CAMTA1: variants seen among roughly 807,000 people sequenced by gnomAD.
The protein encoded by CAMTA1 is calmodulin binding transcription activator 1.
Under a neutral mutation model 170.9 loss-of-function variants are expected in CAMTA1, and 27 were observed. That is an observed-to-expected ratio of 0.16 (90% CI 0.12 to 0.22). The LOEUF is 0.22. CAMTA1 is among the 10% of genes least tolerant of loss of function. The probability of loss-of-function intolerance (pLI) is 1.00; values close to 1 mark genes in which losing one functional copy is unlikely to be tolerated. For missense variants in CAMTA1, 1,619 were observed against 2,217.2 expected (o/e 0.73, Z 5.42); for synonymous variants, 833 against 891.5 (o/e 0.93, Z 1.17).
At chr1:7,419,529 A>C (rs845256) in intron 5 of CAMTA1, among the ~76,000 whole-genome samples, 139,257 of 152,172 alleles carry the variant, frequency 0.92, 63,794 homozygotes, top group East Asian at 0.99. Flanking sequence ...TCTGCACACA[A>C]TCCCTAGGTG....
chr1:6,988,523 G>T (rs562544518), intron 3 of CAMTA1, among the ~76,000 whole-genome samples: 76 of 152,264 alleles, frequency 5.0e-4, no homozygotes, highest in African/African-American at 1.8e-3. Flanking sequence ...ACAAGTCCCT[G>T]AATGGATTCT....
At chr1:6,951,836 G>T (rs1365170509) in intron 3 of CAMTA1, among the ~76,000 whole-genome samples, 1 of 152,210 alleles carries the variant, frequency 6.6e-6, no homozygotes, top group African/African-American at 2.4e-5. Flanking sequence ...TCATCCTGCG[G>T]GGTTCCAGGG....
intron 6 of CAMTA1, among the ~76,000 whole-genome samples, chr1:7,483,403 G>T (rs76001129): frequency 0.011 from 1,645 of 152,324 alleles, 37 homozygotes; most frequent in African/African-American, 0.038. Flanking sequence ...CAGTCTGGGA[G>T]CCTGGGCCGG....
At chr1:7,279,506 G>T (rs907420445) in intron 5 of CAMTA1, among the ~76,000 whole-genome samples, 1 of 152,154 alleles carries the variant, frequency 6.6e-6, no homozygotes, top group Non-Finnish European at 1.5e-5. Context: ...CATCCTTGCA[G>T]AGCCGCAGCC....
rs182429627 is a variant in CAMTA1, at chr1:7,593,572, C to T, written c.511-46828C>T. 6.2e-3 allele frequency among the ~76,000 whole-genome samples: 934 copies of T among 150,970 alleles called. 6 individuals are homozygous for T. The highest frequency in any genetic ancestry group is 0.014 in the Middle Eastern group (4 of 292). ...TGGCGTGATCTTGGCTCACTACAAC[C>T]TCTGCCTCCAGGGTTCAAGCGATTC... On this transcript the variant is annotated intron_variant, in intron 6 of 22. Transcript: ENST00000303635.
intron 5 of CAMTA1, among the ~76,000 whole-genome samples, chr1:7,389,961 T>A (rs2149122856): frequency 6.6e-6 from 1 of 152,214 alleles, no homozygotes; most frequent in Admixed American, 6.5e-5. Context: ...GCTATTTGTG[T>A]CCCCCGCCTT....
chr1:7,236,457 T>C (rs954872657), intron 4 of CAMTA1, among the ~76,000 whole-genome samples: 2 of 152,144 alleles, frequency 1.3e-5, no homozygotes, highest in Non-Finnish European at 2.9e-5. Context: ...TGAGTTGTTG[T>C]GACTGTAGAA....
chr1:6,987,537 G>A lies in CAMTA1; in HGVS notation c.235-103767G>A, dbSNP rs142590256. Among the ~76,000 whole-genome samples the A allele has an allele frequency of 1.5e-3, 231 of 152,318 alleles. 2 individuals are homozygous for A. The highest frequency in any genetic ancestry group is 3.1e-4 in the Non-Finnish European group (21 of 68,018). ...TTAAGAGCTCCCAAATGATTCTAGTGTCCAGTCCAGGTTGAGGACCACCAA... is the reference window on the plus strand; with the variant it reads ...TTAAGAGCTCCCAAATGATTCTAGTATCCAGTCCAGGTTGAGGACCACCAA... On this transcript the variant is annotated intron_variant, in intron 3 of 22. Transcript: ENST00000303635.
chr1:7,353,165 C>G (rs974036292), intron 5 of CAMTA1, among the ~76,000 whole-genome samples: 1 of 152,232 alleles, frequency 6.6e-6, no homozygotes, highest in African/African-American at 2.4e-5. Context: ...TTCTGTAACA[C>G]AGAGATCATA....
chr1:7,355,205 CA>C (rs200603818), intron 5 of CAMTA1, among the ~76,000 whole-genome samples: 7,909 of 112,722 alleles, frequency 0.07, 703 homozygotes, highest in African/African-American at 0.24. Context: ...AACTCCGTCT[CA>C]AAAAAAAAAA....
chr1:7,555,286 T>A (rs2094861001), intron 6 of CAMTA1, among the ~76,000 whole-genome samples: 1 of 152,166 alleles, frequency 6.6e-6, no homozygotes, highest in African/African-American at 2.4e-5. Flanking sequence ...TTTCCATTTT[T>A]AAAGTGCTCA....
intron 5 of CAMTA1, among the ~76,000 whole-genome samples, chr1:7,335,460 C>T (rs1300743376): frequency 1.3e-5 from 2 of 152,200 alleles, no homozygotes; most frequent in African/African-American, 4.8e-5. Flanking sequence ...CCCGTCAAAG[C>T]AGCTGAGTGA....
At chr1:7,259,529 G>A (rs1667873848) in intron 5 of CAMTA1, among the ~76,000 whole-genome samples, 1 of 152,202 alleles carries the variant, frequency 6.6e-6, no homozygotes, top group East Asian at 1.9e-4. Flanking sequence ...AAAGGATTGG[G>A]ACACGCCATT....
At chr1:7,528,694 A>C (rs2094457422) in intron 6 of CAMTA1, among the ~76,000 whole-genome samples, 1 of 152,176 alleles carries the variant, frequency 6.6e-6, no homozygotes, top group Admixed American at 6.5e-5. Context: ...ACTTGCACCA[A>C]GTCAGTGAGA....
intron 6 of CAMTA1, among the ~76,000 whole-genome samples, chr1:7,496,979 G>A (rs1315789186): frequency 1.3e-5 from 2 of 150,736 alleles, no homozygotes; most frequent in African/African-American, 2.5e-5. Flanking sequence ...AGCCCGGGAA[G>A]GGAGGCATAA....
chr1:7,440,452 G>A lies in CAMTA1; in HGVS notation c.439-27378G>A, dbSNP rs192328853. Among the ~76,000 whole-genome samples the A allele has an allele frequency of 1.1e-3, 166 of 152,358 alleles. No homozygotes were observed. The Middle Eastern group carries it at 0.02, about 19-fold the overall frequency. ...TGTTGCCTGGGAGTTCCACGGCACC[G>A]GCTGAACCTGCATCTTGAAGGTTTG... On this transcript the variant is annotated intron_variant, in intron 5 of 22. Coordinates refer to ENST00000303635, the MANE Select transcript of CAMTA1 (RefSeq NM_015215.4).
chr1:7,365,176 C>G (rs908448035), intron 5 of CAMTA1, among the ~76,000 whole-genome samples: 1 of 152,188 alleles, frequency 6.6e-6, no homozygotes, highest in Admixed American at 6.5e-5. Context: ...CCCCAGTGGA[C>G]GCTGAATTCC....
intron 3 of CAMTA1, among the ~76,000 whole-genome samples, chr1:6,982,568 G>GAAATT (rs1694616236): frequency 6.6e-6 from 1 of 152,176 alleles, no homozygotes; most frequent in South Asian, 2.1e-4. Context: ...ACCCTCGGGA[G>GAAATT]GCCCTTAGCT....
chr1:6,946,727 G>C (rs1687634355), intron 3 of CAMTA1, among the ~76,000 whole-genome samples: 1 of 152,160 alleles, frequency 6.6e-6, no homozygotes, highest in Non-Finnish European at 1.5e-5. Context: ...CCTTGTCAGA[G>C]ATAGGATTTG....
Sources: gnomAD v4.1 joint callset for allele counts (sites outside exome capture counted in the v4.1 genomes callset) on GRCh38, gnomAD v4.1.1 for gene constraint, MANE v1.5 for transcripts, NCBI Gene and HGNC (gene_info 2026-07-23, HGNC 2026-07-21) for gene names.